BIN1: variants seen among roughly 807,000 people sequenced by gnomAD.
BIN1 encodes the protein bridging integrator 1.
Under a neutral mutation model 82.0 loss-of-function variants are expected in BIN1, and 53 were observed. The observed-to-expected ratio is 0.65, with a 90% CI of 0.52 to 0.81. BIN1 has a LOEUF of 0.81. Ranked by LOEUF, BIN1 falls within the 40% of genes least tolerant of loss-of-function variation. The pLI, the probability that BIN1 is intolerant of heterozygous loss-of-function variation, is 0.00. For synonymous variants in BIN1, 302 were observed against 328.0 expected, an observed-to-expected ratio of 0.92 and a Z score of 0.86; for missense variants, 642 against 784.4, an observed-to-expected ratio of 0.82 and a Z score of 2.17.
intron 1 of BIN1, among the ~76,000 whole-genome samples, chr2:127,092,276 A>G (rs1272613020): frequency 1.3e-5 from 2 of 152,194 alleles, no homozygotes; most frequent in Non-Finnish European, 2.9e-5. Flanking sequence ...CTAGAGGGAC[A>G]TGGATGTGGG....
intron 11 of BIN1, among the ~76,000 whole-genome samples, chr2:127,058,612 GC>G (rs1684016097): frequency 6.6e-6 from 1 of 152,140 alleles, no homozygotes; most frequent in African/African-American, 2.4e-5. Flanking sequence ...CCTCCCTCAG[GC>G]CCCTTTAAGA....
At position 127,068,355 on chromosome 2, in the gene BIN1, C is replaced by G. The variant is rs190492750; in HGVS notation, c.520-100G>C. On this transcript the variant is annotated intron_variant, in intron 6 of 18. Coordinates refer to ENST00000316724, the MANE Select transcript of BIN1 (RefSeq NM_139343.3). This position sits in a 1 kb window ranked among gnomAD's most constrained non-coding sequence, Gnocchi z 4.9. The stretch of plus-strand genomic sequence containing the variant: ...ATTAAATGCAGGTCCACACGCCCCA[C>G]GCGCGGGGGCCACCCCAAGCAGATA... 8 of 918,216 alleles carry G rather than the reference C, an allele frequency of 8.7e-6. No individual in the cohort carries two copies. Among genetic ancestry groups the G allele is most frequent in the Non-Finnish European group, 1.2e-5 (7 of 594,736 alleles). 56.9% of individuals were successfully genotyped at this position (918,216 alleles called of 1,614,324 possible). A position where few individuals can be genotyped will look rare whatever the true frequency, so the allele number is the denominator to read the frequency against.
Position 127,068,306 on chromosome 2 carries a change from G to C in BIN1, c.520-51C>G, listed in dbSNP as rs1371938398. ...GAAGGTGGAGAGACCAGGGAGGTGG[G>C]GAGAGAGAAACAGAGACACACAGAT... On this transcript the variant is annotated intron_variant, in intron 6 of 18. Coordinates refer to ENST00000316724, the MANE Select transcript of BIN1 (RefSeq NM_139343.3). This position sits in a 1 kb window ranked among gnomAD's most constrained non-coding sequence, Gnocchi z 4.9. The C allele has an allele frequency of 6.8e-7, 1 of 1,475,882 alleles. No homozygotes were observed. The highest frequency in any genetic ancestry group is 1.4e-5 in the African/African-American group (1 of 72,456). The allele number at this position is 1,475,882 out of a possible 1,614,324, so 91.4% of individuals were successfully genotyped here.
intron 1 of BIN1, among the ~76,000 whole-genome samples, chr2:127,103,111 G>A (rs1216603439): frequency 1.3e-5 from 2 of 152,126 alleles, no homozygotes; most frequent in Non-Finnish European, 2.9e-5. Flanking sequence ...CTCTGGGTGG[G>A]CTCCCAGTGC....
At chr2:127,063,788 A>G (rs1684806297) in intron 8 of BIN1, 142 bp from the exon 9 acceptor site, 5 of 1,381,822 alleles carry the variant, frequency 3.6e-6, no homozygotes, top group Non-Finnish European at 4.1e-6. Context: ...CTCAGGCTGG[A>G]CACTGCAGCA....
At position 127,048,462 on chromosome 2, in the gene BIN1, AG is replaced by A; in HGVS notation, c.*63del. ...GAAAAACGAAAACAAAACAAAAAAA[AG>A]AACCACACATTTTTCGGGAGGAGGT... On this transcript the variant is annotated 3_prime_UTR_variant, in exon 19 of 19. Transcript: ENST00000316724. 3 of 1,476,934 alleles carry A rather than the reference AG, an allele frequency of 2.0e-6. No individual in the cohort carries two copies. The South Asian group carries it at 3.4e-5, about 17-fold the overall frequency. The allele number at this position is 1,476,934 out of a possible 1,614,324, so 91.5% of individuals were successfully genotyped here.
intron 10 of BIN1, among the ~76,000 whole-genome samples, chr2:127,061,337 C>T (rs1684460314): frequency 6.6e-6 from 1 of 152,120 alleles, no homozygotes; most frequent in Non-Finnish European, 1.5e-5. Context: ...TCACCACCAC[C>T]CGATACCCTC....
At chr2:127,102,199 G>A (rs945763497) in intron 1 of BIN1, among the ~76,000 whole-genome samples, 1 of 152,196 alleles carries the variant, frequency 6.6e-6, no homozygotes, top group South Asian at 2.1e-4. Flanking sequence ...TGAGGACAGA[G>A]GGCCTACCTC....
At position 127,068,095 on chromosome 2, in the gene BIN1, G is replaced by A. The variant is rs556525177; in HGVS notation, c.612+68C>T. ...TCAGATGCCAGCCCTGCATTCCACC[G>A]CAGGGCGAGAGGACAGGACGACAGA... On this transcript the variant is annotated intron_variant, in intron 7 of 18. Transcript: ENST00000316724. This position sits in a 1 kb window ranked among gnomAD's most constrained non-coding sequence, Gnocchi z 4.9. The A allele has an allele frequency of 2.1e-5, 32 of 1,496,936 alleles. No homozygotes were observed. Among genetic ancestry groups the A allele is most frequent in the Middle Eastern group, 3.4e-4 (2 of 5,866 alleles). The allele number at this position is 1,496,936 out of a possible 1,614,324, so 92.7% of individuals were successfully genotyped here. A position where few individuals can be genotyped will look rare whatever the true frequency, so the allele number is the denominator to read the frequency against.
chr2:127,070,603 C>T lies in BIN1; in HGVS notation c.265G>A (p.Val89Met). 2 of 1,614,162 alleles carry T rather than the reference C, an allele frequency of 1.2e-6. No individual in the cohort carries two copies. Among genetic ancestry groups the T allele is most frequent in the Non-Finnish European group, 8.5e-7 (1 of 1,180,036 alleles). The change falls in exon 4 of 19, where the codon GTG becomes ATG. Residue 89 changes from valine (V) to methionine (M), a missense_variant. Val to Met is a conservative substitution (Grantham distance 21). Coordinates refer to ENST00000316724, the MANE Select transcript of BIN1 (RefSeq NM_139343.3). ...CTGCCGGGCCAATCGGGCTCATACA[C>T]CTCCTGCAGACACTCATTCAGCTTC... ...SKKLNECLQEVYEPDWPGRDE... is the reference protein window; with the variant it reads ...SKKLNECLQEMYEPDWPGRDE...
At chr2:127,085,946 C>T (rs1558864817) in intron 1 of BIN1, among the ~76,000 whole-genome samples, 1 of 152,236 alleles carries the variant, frequency 6.6e-6, no homozygotes, top group African/African-American at 2.4e-5. Flanking sequence ...GACTCCCTCC[C>T]CATCAAATTC....
chr2:127,062,221 T>G (rs1573601147), intron 9 of BIN1, 24 bp from the exon 10 acceptor site: 1 of 1,580,188 alleles, frequency 6.3e-7, no homozygotes, highest in South Asian at 1.1e-5. Flanking sequence ...AGTGAGGAGG[T>G]GGGGGGCCTC....
In BIN1 at chr2:127,096,615, TG is replaced by T; in HGVS notation, c.84+10244del. Among the ~76,000 whole-genome samples, 3 of 152,270 alleles carry T rather than the reference TG, an allele frequency of 2.0e-5. No individual in the cohort carries two copies. In the Middle Eastern group the frequency reaches 0.01, roughly 518 times the overall value. On this transcript the variant is annotated intron_variant, in intron 1 of 18. Transcript: ENST00000316724. ...TCCCCTCCCTTTGCCCATCTGCCTGTGGTCCCAGGGTCCAGCTCCGAGCTCC... is the reference window on the plus strand; with the variant it reads ...TCCCCTCCCTTTGCCCATCTGCCTGTGTCCCAGGGTCCAGCTCCGAGCTCC...
chr2:127,068,144 G>T lies in BIN1; in HGVS notation c.612+19C>A, dbSNP rs373772243. 18 of 1,610,134 alleles carry T rather than the reference G, an allele frequency of 1.1e-5. No homozygotes were observed. Among genetic ancestry groups the T allele is most frequent in the Non-Finnish European group, 1.5e-5 (18 of 1,177,882 alleles). On this transcript the variant is annotated intron_variant, in intron 7 of 18. Coordinates refer to ENST00000316724, the MANE Select transcript of BIN1 (RefSeq NM_139343.3). This position sits in a 1 kb window ranked among gnomAD's most constrained non-coding sequence, Gnocchi z 4.9. ...GACCGGAAGGCGCCAGCACGTGCAA[G>T]GTTAGAAGCCAGTGTCACCTGATTT...
At chr2:127,053,518 G>A in intron 13 of BIN1, 73 bp from the exon 14 acceptor site, 1 of 1,581,660 alleles carries the variant, frequency 6.3e-7, no homozygotes, top group South Asian at 1.1e-5. Context: ...CAGTCCCCAG[G>A]GACCCTACCC....
chr2:127,053,561 A>G, intron 13 of BIN1, 116 bp from the exon 14 acceptor site: 1 of 1,391,352 alleles, frequency 7.2e-7, no homozygotes. Context: ...CCCAGCAGGC[A>G]CAGGAGTGGC....
chr2:127,064,083 T>A, intron 7 of BIN1, 65 bp from the exon 8 acceptor site: 1 of 1,571,262 alleles, frequency 6.4e-7, no homozygotes, highest in Admixed American at 1.7e-5. Context: ...CCATGGCCAG[T>A]CCTCCCACCT....
chr2:127,079,233 C>T (rs1380265405), intron 1 of BIN1, among the ~76,000 whole-genome samples: 3 of 152,240 alleles, frequency 2.0e-5, no homozygotes, highest in South Asian at 2.1e-4. Context: ...TGAGACTCCA[C>T]GCAGCAGTGA....
chr2:127,076,227 A>G (rs999463781), intron 2 of BIN1, among the ~76,000 whole-genome samples: 1 of 152,124 alleles, frequency 6.6e-6, no homozygotes, highest in African/African-American at 2.4e-5. Context: ...GCAGATGCCC[A>G]AATCAAACCC....
Sources: gnomAD v4.1 joint callset for allele counts (sites outside exome capture counted in the v4.1 genomes callset) on GRCh38, gnomAD v4.1.1 for gene constraint, Gnocchi (gnomAD v3.1) non-coding constraint, MANE v1.5 for transcripts, NCBI Gene and HGNC (gene_info 2026-07-23, HGNC 2026-07-21) for gene names.